ROS1: variants seen among roughly 807,000 people sequenced by gnomAD.
The protein encoded by ROS1 is proto-oncogene tyrosine-protein kinase ROS.
A neutral mutation model predicts 273.5 loss-of-function variants in ROS1; 263 were observed. The observed-to-expected ratio is 0.96, with a 90% CI of 0.87 to 1.06. The LOEUF (loss-of-function observed/expected upper bound fraction) is 1.06. Ranked by LOEUF, ROS1 falls within the 50% of genes least tolerant of loss-of-function variation. ROS1 has a pLI of 0.00. For synonymous variants in ROS1, 1,008 were observed against 954.1 expected, an observed-to-expected ratio of 1.06 and a Z score of -1.04; for missense variants, 2,833 against 2,751.1, an observed-to-expected ratio of 1.03 and a Z score of -0.67.
At chr6:117,382,715 GTAA>G (rs1411837191) in intron 17 of ROS1, among the ~76,000 whole-genome samples, 2 of 152,046 alleles carry the variant, frequency 1.3e-5, no homozygotes, top group Non-Finnish European at 2.9e-5. Flanking sequence ...TGCAGGTTGA[GTAA>G]TAATAATATG....
chr6:117,345,669 C>G, intron 27 of ROS1, among the ~76,000 whole-genome samples: 1 of 152,148 alleles, frequency 6.6e-6, no homozygotes, highest in Non-Finnish European at 1.5e-5. Flanking sequence ...TTGATGAAGC[C>G]AGCTCCTTCA....
rs756185420 is a variant in ROS1, at chr6:117,337,270, G to A, written c.5132C>T (p.Thr1711Ile). Residue 1711 changes from threonine (T) to isoleucine (I), a missense_variant, in exon 32 of 44, where the codon ACA (threonine) becomes ATA (isoleucine). Thr to Ile is a moderately conservative substitution (Grantham distance 89). Coordinates refer to ENST00000368507, the MANE Select transcript of ROS1 (RefSeq NM_001378902.1). ...SQGPAYVCNITNLQPYTSYNV... is the reference protein window; with the variant it reads ...SQGPAYVCNIINLQPYTSYNV... Reference sequence around the variant, plus strand: ...ATATGAAGTATAAGGTTGTAGATTTGTGATATTACAGACATAAGCAGGACC... The same window carrying A: ...ATATGAAGTATAAGGTTGTAGATTTATGATATTACAGACATAAGCAGGACC... 1.9e-5 allele frequency: 30 copies of A among 1,612,378 alleles called. No homozygotes were observed. The highest frequency in any genetic ancestry group is 2.4e-5 in the Non-Finnish European group (28 of 1,178,994).
At chr6:117,344,335 G>A in intron 27 of ROS1, 73 bp from the exon 28 acceptor site, 1 of 1,028,354 alleles carries the variant, frequency 9.7e-7, no homozygotes, top group Non-Finnish European at 1.4e-6. Context: ...TTTTTAACAA[G>A]AATAATATCA....
chr6:117,357,492 T>C lies in ROS1; in HGVS notation c.3839+312A>G, dbSNP rs183175653. Among the ~76,000 whole-genome samples the C allele has an allele frequency of 3.9e-5, 6 of 152,354 alleles. No homozygotes were observed. The East Asian group carries it at 7.7e-4, about 20-fold the overall frequency. On this transcript the variant is annotated intron_variant, in intron 25 of 43. Coordinates refer to ENST00000368507, the MANE Select transcript of ROS1 (RefSeq NM_001378902.1). ...TCTGTTCCTGCTCACCTCTTGCCACTGTCTCAATCCACTTCTTGTACTTGC... is the reference window on the plus strand; with the variant it reads ...TCTGTTCCTGCTCACCTCTTGCCACCGTCTCAATCCACTTCTTGTACTTGC...
At chr6:117,289,860 G>A (rs559002910) in intron 43 of ROS1, among the ~76,000 whole-genome samples, 16 of 152,254 alleles carry the variant, frequency 1.1e-4, no homozygotes, top group African/African-American at 3.6e-4. Context: ...CAACTGTTAT[G>A]ATTATTGCCA....
chr6:117,311,038 C>T lies in ROS1; in HGVS notation c.6197G>A (p.Arg2066Gln), dbSNP rs779401784. 7.5e-5 allele frequency: 120 copies of T among 1,608,194 alleles called. No individual in the cohort carries two copies. Among genetic ancestry groups the T allele is most frequent in the Middle Eastern group, 1.7e-4 (1 of 6,050 alleles). ...ATTGTACCTGTGAATGAAATGCATCCGTTCCAAGTAGACACAGCCTTTTGA... is the reference window on the plus strand; with the variant it reads ...ATTGTACCTGTGAATGAAATGCATCTGTTCCAAGTAGACACAGCCTTTTGA... The part of the protein sequence containing the change: ...DISKGCVYLE[R>Q]MHFIHRDLAA... The change falls in exon 40 of 44, where the codon CGG becomes CAG. Residue 2066 changes from arginine (R) to glutamine (Q), a missense_variant. Transcript: ENST00000368507.
At chr6:117,311,998 C>T (rs1775582471) in intron 39 of ROS1, among the ~76,000 whole-genome samples, 1 of 152,014 alleles carries the variant, frequency 6.6e-6, no homozygotes, top group African/African-American at 2.4e-5. Context: ...TGTTGTGACC[C>T]CCTTCCTGTA....
chr6:117,378,428 G>T (rs1781516304), intron 18 of ROS1, among the ~76,000 whole-genome samples: 1 of 152,140 alleles, frequency 6.6e-6, no homozygotes, highest in African/African-American at 2.4e-5. Flanking sequence ...CATATTTCTG[G>T]AGTGGTGCAG....
At chr6:117,409,517 T>C (rs1426720623) in intron 5 of ROS1, 65 bp downstream of exon 5, 38 of 1,135,552 alleles carry the variant, frequency 3.3e-5, no homozygotes, top group Non-Finnish European at 4.8e-5. Context: ...TTCGTTATCT[T>C]TACATAAGTA....
rs200841015 is a variant in ROS1, at chr6:117,402,659, G to A, written c.604+480C>T. 4.6e-5 allele frequency among the ~76,000 whole-genome samples: 7 copies of A among 152,290 alleles called. No individual in the cohort carries two copies. The East Asian group carries it at 9.7e-4, about 21-fold the overall frequency. On this transcript the variant is annotated intron_variant, in intron 7 of 43. Coordinates refer to ENST00000368507, the MANE Select transcript of ROS1 (RefSeq NM_001378902.1). ...TCCCAGCACTTTGGGAGGCCAAGGC[G>A]GGCAGATCACTTGAGGTCAGGAATA... is the stretch of plus-strand genomic sequence containing the variant.
intron 4 of ROS1, among the ~76,000 whole-genome samples, chr6:117,412,255 T>C (rs1254318925): frequency 6.6e-6 from 1 of 152,062 alleles, no homozygotes; most frequent in Non-Finnish European, 1.5e-5. Flanking sequence ...TAAGATCAAT[T>C]GGCTATAATA....
intron 33 of ROS1, chr6:117,328,734 G>A (rs1003431703): frequency 1.6e-6 from 1 of 613,830 alleles, no homozygotes; most frequent in East Asian, 3.4e-5. Context: ...AGCCAGTTAT[G>A]GTTCACGTGC....
At chr6:117,314,894 G>C (rs920157334) in intron 39 of ROS1, among the ~76,000 whole-genome samples, 1 of 152,102 alleles carries the variant, frequency 6.6e-6, no homozygotes, top group African/African-American at 2.4e-5. Flanking sequence ...CCATCATTTT[G>C]TTAGGCCTCA....
chr6:117,409,709 TA>T (rs1774747443), intron 4 of ROS1, 67 bp from the exon 5 acceptor site: 1 of 1,272,272 alleles, frequency 7.9e-7, no homozygotes, highest in Non-Finnish European at 1.1e-6. Flanking sequence ...AAGCTTCAAC[TA>T]AATTTTAAAA....
intron 43 of ROS1, among the ~76,000 whole-genome samples, chr6:117,300,505 T>C (rs939564233): frequency 3.3e-5 from 5 of 152,020 alleles, no homozygotes; most frequent in Non-Finnish European, 5.9e-5. Context: ...CTAAAGACGT[T>C]AGAATAGTTG....
intron 5 of ROS1, 108 bp downstream of exon 5, chr6:117,409,474 G>T: frequency 1.3e-6 from 1 of 780,312 alleles, no homozygotes. Context: ...TGATCATATT[G>T]AGATGCAGAA....
At chr6:117,399,886 T>C (rs776741927) in intron 7 of ROS1, among the ~76,000 whole-genome samples, 1 of 152,210 alleles carries the variant, frequency 6.6e-6, no homozygotes, top group Non-Finnish European at 1.5e-5. Flanking sequence ...CTCAATCTAT[T>C]CTATGTGCAG....
Position 117,397,036 on chromosome 6 carries a change from A to G in ROS1, c.685T>C (p.Phe229Leu). 1 of 1,612,452 alleles carries G rather than the reference A, an allele frequency of 6.2e-7. No homozygotes were observed. The highest frequency in any genetic ancestry group is 8.5e-7 in the Non-Finnish European group (1 of 1,178,456). The change falls in exon 8 of 44, where the codon TTC becomes CTC. Residue 229 changes from phenylalanine (F) to leucine (L), a missense_variant. Coordinates refer to ENST00000368507, the MANE Select transcript of ROS1 (RefSeq NM_001378902.1). ...TVEVSWDPPQ[F>L]PGGPILGYNL... is the part of the protein sequence containing the mutation. ...TAACCCAAAATAGGTCCACCTGGGA[A>G]TTGAGGTGGATCCCAGCTGACTTCC... is the stretch of plus-strand genomic sequence containing the variant.
chr6:117,395,545 T>C (rs1375466282), intron 9 of ROS1, among the ~76,000 whole-genome samples: 1 of 152,198 alleles, frequency 6.6e-6, no homozygotes, highest in Non-Finnish European at 1.5e-5. Flanking sequence ...AATCTTTGGA[T>C]GTTCTCAAAA....
Sources: allele counts gnomAD v4.1 joint callset (sites outside exome capture counted in the v4.1 genomes callset), GRCh38; gene constraint gnomAD v4.1.1; transcripts MANE v1.5; gene names NCBI Gene and HGNC (gene_info 2026-07-23, HGNC 2026-07-21).